The following FAM222B variants were observed in gnomAD, a reference collection of about 807,000 sequenced individuals.
FAM222B encodes the protein protein FAM222B.
Under a neutral mutation model 38.0 loss-of-function variants are expected in FAM222B, and 12 were observed. The observed-to-expected ratio is 0.32, with a 90% CI of 0.20 to 0.51. The LOEUF (loss-of-function observed/expected upper bound fraction) is 0.51. Ranked by LOEUF, FAM222B falls within the 20% of genes least tolerant of loss-of-function variation. FAM222B has a pLI of 0.97. For synonymous variants in FAM222B, 329 were observed against 317.2 expected (o/e 1.04, Z -0.40); for missense variants, 716 against 754.2 (o/e 0.95, Z 0.59).
intron 1 of FAM222B, among the ~76,000 whole-genome samples, chr17:28,812,614 AC>A (rs2037838033): frequency 6.6e-6 from 1 of 151,958 alleles, no homozygotes; most frequent in African/African-American, 2.4e-5. Context: ...TAGGCCCGCT[AC>A]CCGCGGACCC....
chr17:28,813,273 A>C (rs2037884987), intron 1 of FAM222B, among the ~76,000 whole-genome samples: 1 of 152,032 alleles, frequency 6.6e-6, no homozygotes, highest in Non-Finnish European at 1.5e-5. Context: ...AGCAGGTTTC[A>C]GTACAATTAG....
intron 1 of FAM222B, among the ~76,000 whole-genome samples, chr17:28,790,814 CAAATGATTGAAAGAAAAA>C (rs1227823044): frequency 7.1e-6 from 1 of 140,744 alleles, no homozygotes; most frequent in Non-Finnish European, 1.5e-5. Context: ...GCAACACTGT[CAAATGATTGAAAGAAAAA>C]AAATTATTTC....
At chr17:28,796,596 G>A (rs926958038) in intron 1 of FAM222B, among the ~76,000 whole-genome samples, 4 of 152,056 alleles carry the variant, frequency 2.6e-5, no homozygotes, top group Non-Finnish European at 5.9e-5. Context: ...GTAGTAAGAA[G>A]AGACAGTATG....
intron 1 of FAM222B, among the ~76,000 whole-genome samples, chr17:28,780,373 A>G (rs913392625): frequency 3.3e-5 from 5 of 152,198 alleles, no homozygotes; most frequent in African/African-American, 1.2e-4. Context: ...AGAAAACGCT[A>G]AAGACTCCAA....
intron 1 of FAM222B, among the ~76,000 whole-genome samples, chr17:28,793,214 TTG>T (rs1461276472): frequency 6.6e-6 from 1 of 152,094 alleles, no homozygotes; most frequent in Non-Finnish European, 1.5e-5. Flanking sequence ...GGGATTGCAG[TTG>T]TGAGCCACCA....
At chr17:28,770,806 G>A (rs2035591488) in intron 1 of FAM222B, among the ~76,000 whole-genome samples, 1 of 151,862 alleles carries the variant, frequency 6.6e-6, no homozygotes, top group Admixed American at 6.6e-5. Flanking sequence ...TCCTGACCCC[G>A]TGATCTGCCC....
At chr17:28,853,941 C>CTTTTTTTT (rs34393247) in intron 1 of FAM222B, among the ~76,000 whole-genome samples, 2 of 119,980 alleles carry the variant, frequency 1.7e-5, no homozygotes, top group Non-Finnish European at 3.4e-5. Context: ...ATCTCTGTTT[C>CTTTTTTTT]TTTTTTTTTT....
chr17:28,828,843 G>A (rs911433200), intron 1 of FAM222B, among the ~76,000 whole-genome samples: 3 of 151,492 alleles, frequency 2.0e-5, no homozygotes, highest in South Asian at 2.1e-4. Context: ...ATCAAAATAC[G>A]GAACAGTCAT....
intron 1 of FAM222B, among the ~76,000 whole-genome samples, chr17:28,815,878 A>C (rs1364926264): frequency 6.6e-6 from 1 of 151,944 alleles, no homozygotes; most frequent in Non-Finnish European, 1.5e-5. Flanking sequence ...GAGGTAGGAG[A>C]ATCGCTTGAA....
Position 28,849,590 on chromosome 17 carries a change from T to C in FAM222B, c.-41+5360A>G, listed in dbSNP as rs1440288114. On this transcript the variant is annotated intron_variant, in intron 1 of 2. Transcript: ENST00000577513. Reference sequence around the variant, plus strand: ...CAACACCCAAGGTTGGTAACTCTCATAACCAACCCACACAAGCGCCCACCT... The same window carrying C: ...CAACACCCAAGGTTGGTAACTCTCACAACCAACCCACACAAGCGCCCACCT... 1.3e-5 allele frequency: 2 copies of C among 152,162 alleles called. 1 individual carries two copies. The highest frequency in any genetic ancestry group is 4.8e-5 in the African/African-American group (2 of 41,338). 9.4% of individuals were successfully genotyped at this position (152,162 alleles called of 1,614,324 possible).
intron 1 of FAM222B, among the ~76,000 whole-genome samples, chr17:28,813,793 G>A (rs559061796): frequency 2.0e-5 from 3 of 150,684 alleles, no homozygotes; most frequent in Non-Finnish European, 4.4e-5. Context: ...TGATCCGCCC[G>A]CCTCGGCCTT....
intron 1 of FAM222B, among the ~76,000 whole-genome samples, chr17:28,817,981 T>C (rs1368817371): frequency 6.6e-6 from 1 of 152,204 alleles, no homozygotes; most frequent in Non-Finnish European, 1.5e-5. Flanking sequence ...TAAACTTCTA[T>C]CTATGAAAGT....
intron 1 of FAM222B, among the ~76,000 whole-genome samples, chr17:28,839,592 A>G (rs1409489142): frequency 6.6e-6 from 1 of 152,210 alleles, no homozygotes; most frequent in Non-Finnish European, 1.5e-5. Flanking sequence ...ATAAATGTCC[A>G]ACTATTAAAA....
intron 1 of FAM222B, among the ~76,000 whole-genome samples, chr17:28,772,789 G>A (rs2035700284): frequency 6.6e-6 from 1 of 152,246 alleles, no homozygotes; most frequent in Non-Finnish European, 1.5e-5. Context: ...CACCTACTCA[G>A]GAGGCTGAGG....
Position 28,767,401 on chromosome 17 carries a change from G to A in FAM222B, c.-40-694C>T, listed in dbSNP as rs138953968. 1.1e-3 allele frequency among the ~76,000 whole-genome samples: 162 copies of A among 151,980 alleles called. 2 individuals carry two copies. In the East Asian group the frequency reaches 0.026, roughly 24 times the overall value. On this transcript the variant is annotated intron_variant, in intron 1 of 2. Transcript: ENST00000581407. ...TCGAACTCCTGACCTCAGTTGATCCGCCCACCTCGGCCTCCCAAAGTGCCG... is the reference window on the plus strand; with the variant it reads ...TCGAACTCCTGACCTCAGTTGATCCACCCACCTCGGCCTCCCAAAGTGCCG...
chr17:28,822,367 A>T (rs2038256640), intron 1 of FAM222B, among the ~76,000 whole-genome samples: 1 of 150,260 alleles, frequency 6.7e-6, no homozygotes, highest in South Asian at 2.2e-4. Flanking sequence ...TCACGCCTGT[A>T]ATCCCAGCAC....
intron 1 of FAM222B, among the ~76,000 whole-genome samples, chr17:28,811,496 G>GT (rs1008541188): frequency 6.6e-6 from 1 of 152,082 alleles, no homozygotes; most frequent in Non-Finnish European, 1.5e-5. Flanking sequence ...CTGGAGGTTT[G>GT]TTTTTTTAAG....
At chr17:28,803,659 T>C (rs138496954) in intron 1 of FAM222B, among the ~76,000 whole-genome samples, 45 of 152,150 alleles carry the variant, frequency 3.0e-4, no homozygotes, top group African/African-American at 1.0e-3. Flanking sequence ...TATTTACATA[T>C]ACTATGGGGT....
intron 1 of FAM222B, among the ~76,000 whole-genome samples, chr17:28,791,577 AAAC>A (rs1466758264): frequency 2.0e-5 from 3 of 152,106 alleles, no homozygotes; most frequent in Non-Finnish European, 4.4e-5. Context: ...AAAAAACAAA[AAAC>A]AAAAAAACAC....
Sources: allele counts gnomAD v4.1 joint callset (sites outside exome capture counted in the v4.1 genomes callset), GRCh38; gene constraint gnomAD v4.1.1; transcripts MANE v1.5; gene names NCBI Gene and HGNC (gene_info 2026-07-23, HGNC 2026-07-21).